RABGAP1L: variants seen among roughly 807,000 people sequenced by gnomAD.
The protein encoded by RABGAP1L is rab GTPase-activating protein 1-like.
In RABGAP1L, 63 loss-of-function variants were observed where a neutral mutation model predicts 137.7. That is an observed-to-expected ratio of 0.46 (90% confidence interval 0.37 to 0.56). The LOEUF is 0.56. Among genes scored for constraint, RABGAP1L ranks in the 20% least tolerant of loss-of-function variants. RABGAP1L has a pLI of 0.00. For missense variants in RABGAP1L, 1,095 were observed against 1,244.0 expected, an observed-to-expected ratio of 0.88 and a Z score of 1.80; for synonymous variants, 431 against 433.7, an observed-to-expected ratio of 0.99 and a Z score of 0.08.
chr1:174,206,972 T>C (rs1287511512), intron 1 of RABGAP1L, among the ~76,000 whole-genome samples: 1 of 152,182 alleles, frequency 6.6e-6, no homozygotes, highest in Non-Finnish European at 1.5e-5. Context: ...TGATTTAATT[T>C]AATCTAAATA....
At chr1:174,290,138 C>G (rs950205295) in intron 10 of RABGAP1L, among the ~76,000 whole-genome samples, 1 of 152,160 alleles carries the variant, frequency 6.6e-6, no homozygotes, top group Admixed American at 6.5e-5. Flanking sequence ...CAACCATACT[C>G]CCTGGCCAGA....
chr1:174,819,245 G>A (rs3118988), intron 19 of RABGAP1L, among the ~76,000 whole-genome samples: 93,012 of 148,390 alleles, frequency 0.63, 31,665 homozygotes, highest in East Asian at 0.9. Context: ...AGTAAGTATG[G>A]GAGAGAGAGA....
At chr1:174,629,392 T>C (rs1673153365) in intron 13 of RABGAP1L, among the ~76,000 whole-genome samples, 1 of 152,200 alleles carries the variant, frequency 6.6e-6, no homozygotes, top group South Asian at 2.1e-4. Flanking sequence ...GTGACTAATG[T>C]AGCAAAATAC....
chr1:174,239,114 C>T (rs1472443599), intron 4 of RABGAP1L, among the ~76,000 whole-genome samples: 1 of 152,202 alleles, frequency 6.6e-6, no homozygotes, highest in Non-Finnish European at 1.5e-5. Context: ...CAATGCCTCG[C>T]CCTGCTTCGG....
intron 18 of RABGAP1L, among the ~76,000 whole-genome samples, chr1:174,810,463 C>A (rs533082052): frequency 6.6e-6 from 1 of 152,136 alleles, no homozygotes; most frequent in Non-Finnish European, 1.5e-5. Context: ...GTGGTGATGA[C>A]GAAAACTGAG....
Position 174,379,091 on chromosome 1 carries a change from A to G in RABGAP1L, c.1559+8019A>G, listed in dbSNP as rs908536732. ...TTCTCAGGTTTGTCAAAGATCAGAT[A>G]GTTGTAGATATGCGGCGTTATTTCT... On this transcript the variant is annotated intron_variant, in intron 12 of 25. Coordinates refer to ENST00000681986, the MANE Select transcript of RABGAP1L (RefSeq NM_001366446.1). Among the ~76,000 whole-genome samples the G allele has an allele frequency of 1.2e-3, 176 of 143,022 alleles. 4 individuals are homozygous for G. The highest frequency in any genetic ancestry group is 4.5e-3 in the African/African-American group (169 of 37,792). The allele number at this position is 143,022 out of a possible 152,430, so 93.8% of individuals were successfully genotyped here. A position where few individuals can be genotyped will look rare whatever the true frequency, so the allele number is the denominator to read the frequency against.
intron 13 of RABGAP1L, among the ~76,000 whole-genome samples, chr1:174,498,641 C>T (rs1468374192): frequency 1.3e-5 from 2 of 150,780 alleles, no homozygotes; most frequent in Non-Finnish European, 1.5e-5. Flanking sequence ...GGATTACAGG[C>T]GCATGCCACC....
intron 14 of RABGAP1L, among the ~76,000 whole-genome samples, chr1:174,640,557 A>C (rs1191920268): frequency 6.6e-6 from 1 of 152,056 alleles, no homozygotes; most frequent in African/African-American, 2.4e-5. Context: ...TTGTTTCTAG[A>C]AACATTGGTT....
At chr1:174,877,889 G>A (rs16847589) in intron 19 of RABGAP1L, among the ~76,000 whole-genome samples, 9,517 of 152,090 alleles carry the variant, frequency 0.063, 1,039 homozygotes, top group African/African-American at 0.22. Flanking sequence ...TCAGGTAGGG[G>A]CTAGTTATAT....
intron 13 of RABGAP1L, chr1:174,547,849 T>A (rs973796166): frequency 6.5e-7 from 1 of 1,530,626 alleles, no homozygotes; most frequent in African/African-American, 1.4e-5. Flanking sequence ...ACAGATGAAA[T>A]TTAGTCTTAC....
intron 11 of RABGAP1L, among the ~76,000 whole-genome samples, chr1:174,355,827 G>A (rs75439498): frequency 0.02 from 3,064 of 152,220 alleles, 109 homozygotes; most frequent in African/African-American, 0.071. Flanking sequence ...TGATGCTTAA[G>A]TTGGGAAAGA....
At chr1:174,310,266 C>G (rs1678701807) in intron 11 of RABGAP1L, among the ~76,000 whole-genome samples, 1 of 152,014 alleles carries the variant, frequency 6.6e-6, no homozygotes, top group South Asian at 2.1e-4. Context: ...TTTTCCGAAG[C>G]TTTTTCTGTT....
intron 13 of RABGAP1L, among the ~76,000 whole-genome samples, chr1:174,445,968 G>A (rs1654713978): frequency 6.6e-6 from 1 of 152,170 alleles, no homozygotes; most frequent in Non-Finnish European, 1.5e-5. Context: ...AAGCCTGCAT[G>A]TGCCTGGCAA....
intron 13 of RABGAP1L, among the ~76,000 whole-genome samples, chr1:174,513,575 T>C (rs1376161066): frequency 2.6e-5 from 4 of 152,162 alleles, no homozygotes; most frequent in Non-Finnish European, 5.9e-5. Context: ...ATCACACCAC[T>C]GCACTACAGC....
intron 19 of RABGAP1L, among the ~76,000 whole-genome samples, chr1:174,848,517 G>A (rs986019654): frequency 3.1e-4 from 46 of 149,374 alleles, no homozygotes; most frequent in Admixed American, 3.3e-4. Context: ...CCTGCTGGGG[G>A]GTGCCTCCCA....
intron 19 of RABGAP1L, among the ~76,000 whole-genome samples, chr1:174,928,789 T>C (rs984953970): frequency 5.3e-5 from 8 of 152,204 alleles, no homozygotes; most frequent in African/African-American, 1.9e-4. Context: ...ATTGATTACT[T>C]GCTATATACC....
At chr1:174,502,230 A>G (rs1197694945) in intron 13 of RABGAP1L, among the ~76,000 whole-genome samples, 2 of 151,926 alleles carry the variant, frequency 1.3e-5, no homozygotes, top group Non-Finnish European at 2.9e-5. Flanking sequence ...AATGCCAGGC[A>G]GAATATTAGC....
At chr1:174,952,436 A>G (rs890040079) in intron 19 of RABGAP1L, among the ~76,000 whole-genome samples, 4 of 149,396 alleles carry the variant, frequency 2.7e-5, no homozygotes, top group African/African-American at 9.9e-5. Context: ...ACCTGAGTCC[A>G]GGAATTTGGG....
intron 13 of RABGAP1L, among the ~76,000 whole-genome samples, chr1:174,556,685 T>A (rs1450805955): frequency 2.0e-5 from 3 of 152,228 alleles, no homozygotes; most frequent in African/African-American, 2.4e-5. Context: ...AGTTCTTTAG[T>A]GAGGGCTCAA....
Sources: gnomAD v4.1 joint callset for allele counts (sites outside exome capture counted in the v4.1 genomes callset) on GRCh38, gnomAD v4.1.1 for gene constraint, MANE v1.5 for transcripts, NCBI Gene and HGNC (gene_info 2026-07-23, HGNC 2026-07-21) for gene names.